CBR4: variants seen among roughly 807,000 people sequenced by gnomAD.
CBR4 encodes 3-oxoacyl-[acyl-carrier-protein] reductase.
CBR4 carries 22 observed loss-of-function variants against 21.0 expected under a neutral mutation model. The observed-to-expected ratio is 1.05, with a 90% CI of 0.75 to 1.50. CBR4 has a LOEUF of 1.50. CBR4 is among the 40% of genes most tolerant of loss of function. The probability of loss-of-function intolerance (pLI) is 0.00; values close to 1 mark genes in which losing one functional copy is unlikely to be tolerated. For missense variants in CBR4, 302 were observed against 286.3 expected (o/e 1.05, Z -0.40); for synonymous variants, 100 against 104.4 (o/e 0.96, Z 0.26).
intron 2 of CBR4, among the ~76,000 whole-genome samples, chr4:168,960,259 T>C (rs1357298699): frequency 6.6e-6 from 1 of 152,220 alleles, no homozygotes; most frequent in Non-Finnish European, 1.5e-5. Flanking sequence ...ATCTCAAAGT[T>C]AACCACTTTT....
chr4:168,906,391 T>A (rs1757803021), intron 2 of CBR4, among the ~76,000 whole-genome samples: 1 of 152,192 alleles, frequency 6.6e-6, no homozygotes, highest in African/African-American at 2.4e-5. Flanking sequence ...GAGGAAGGAC[T>A]GACTCAGTGC....
intron 2 of CBR4, among the ~76,000 whole-genome samples, chr4:168,947,807 T>C (rs6854000): frequency 0.057 from 8,639 of 152,256 alleles, 780 homozygotes; most frequent in African/African-American, 0.19. Context: ...GGTTCCACGA[T>C]TTTGCAATTG....
intron 2 of CBR4, among the ~76,000 whole-genome samples, chr4:168,954,495 C>T (rs1763630104): frequency 6.6e-6 from 1 of 152,184 alleles, no homozygotes; most frequent in Admixed American, 6.5e-5. Context: ...ACCCTCATAA[C>T]CTAATCACCT....
At chr4:168,945,814 G>C (rs1006469407) in intron 2 of CBR4, among the ~76,000 whole-genome samples, 2 of 152,112 alleles carry the variant, frequency 1.3e-5, no homozygotes, top group African/African-American at 4.8e-5. Flanking sequence ...AGACAATTTT[G>C]TGTTTATTTT....
chr4:168,915,947 C>A, intron 2 of CBR4: 1 of 1,612,648 alleles, frequency 6.2e-7, no homozygotes, highest in South Asian at 1.1e-5. Context: ...AATTCAGGAG[C>A]GATTCTTCAG....
chr4:169,002,521 T>G (rs1870306), intron 3 of CBR4, among the ~76,000 whole-genome samples: 100,640 of 152,074 alleles, frequency 0.66, 35,723 homozygotes, highest in East Asian at 0.96. Flanking sequence ...ATGATGAAAA[T>G]TCTGTGGTAT....
chr4:168,907,748 G>C (rs1054699120), intron 2 of CBR4, among the ~76,000 whole-genome samples: 1 of 152,144 alleles, frequency 6.6e-6, no homozygotes, highest in Admixed American at 6.5e-5. Flanking sequence ...GCAATGAGAA[G>C]TGGACCAAGA....
intron 2 of CBR4, among the ~76,000 whole-genome samples, chr4:168,935,234 G>A (rs1462892252): frequency 5.3e-5 from 8 of 152,320 alleles, no homozygotes; most frequent in Admixed American, 4.6e-4. Flanking sequence ...GAGGGACGGT[G>A]CATTCCAGGC....
At chr4:168,917,939 G>A (rs1195207462) in intron 2 of CBR4, among the ~76,000 whole-genome samples, 3 of 152,036 alleles carry the variant, frequency 2.0e-5, no homozygotes, top group Admixed American at 6.6e-5. Context: ...AGTGGCACAC[G>A]CCTGTAATCC....
At chr4:168,896,066 C>T (rs762107238) in intron 2 of CBR4, among the ~76,000 whole-genome samples, 18 of 152,010 alleles carry the variant, frequency 1.2e-4, no homozygotes, top group Non-Finnish European at 2.2e-4. Context: ...AAAAATTAGC[C>T]GGGTGTGGTG....
intron 4 of CBR4, among the ~76,000 whole-genome samples, chr4:168,990,753 A>T (rs577451615): frequency 1.5e-3 from 221 of 151,438 alleles, no homozygotes; most frequent in African/African-American, 5.1e-3. Flanking sequence ...AACCTTGTTT[A>T]TATAAAATAG....
intron 2 of CBR4, among the ~76,000 whole-genome samples, chr4:168,951,884 A>AAT (rs1267542516): frequency 1.3e-5 from 2 of 152,156 alleles, no homozygotes; most frequent in Non-Finnish European, 2.9e-5. Flanking sequence ...ACCTGATGAC[A>AAT]ATGTGCCTAG....
rs962183038 is a variant in CBR4, at chr4:168,988,346, C to A, written c.*1804G>T. ...TAAAAACATACACTTAAAGGCTAAA[C>A]CTATCTATAACCTACATCTTAATGT... On this transcript the variant is annotated 3_prime_UTR_variant, in exon 5 of 5. Transcript: ENST00000306193. The A allele has an allele frequency of 1.3e-5, 13 of 985,204 alleles. No homozygotes were observed. Among genetic ancestry groups the A allele is most frequent in the Non-Finnish European group, 1.4e-5 (12 of 829,894 alleles). The allele number at this position is 985,204 out of a possible 1,614,324, so 61.0% of individuals were successfully genotyped here. A position where few individuals can be genotyped will look rare whatever the true frequency, so the allele number is the denominator to read the frequency against.
At chr4:168,941,317 T>A (rs986119804) in intron 2 of CBR4, among the ~76,000 whole-genome samples, 4 of 151,998 alleles carry the variant, frequency 2.6e-5, no homozygotes, top group African/African-American at 9.7e-5. Context: ...GAATTTAAAG[T>A]ACAATAAAAA....
intron 2 of CBR4, among the ~76,000 whole-genome samples, chr4:169,007,300 A>G (rs1473307911): frequency 6.6e-6 from 1 of 152,228 alleles, no homozygotes; most frequent in Non-Finnish European, 1.5e-5. Flanking sequence ...ATTAGTATTA[A>G]GTTCACAAAC....
intron 2 of CBR4, among the ~76,000 whole-genome samples, chr4:168,957,603 A>T (rs1004545425): frequency 1.3e-5 from 2 of 152,200 alleles, no homozygotes; most frequent in East Asian, 3.8e-4. Flanking sequence ...AAGTTTTCTC[A>T]TGCACCTTGT....
chr4:168,997,699 T>C (rs546854531), intron 4 of CBR4, among the ~76,000 whole-genome samples: 113 of 152,322 alleles, frequency 7.4e-4, no homozygotes, highest in Non-Finnish European at 1.2e-3. Flanking sequence ...CCCTAGGTCA[T>C]TATTTTAGTT....
In CBR4 at chr4:168,989,886, A is replaced by T; in HGVS notation, c.*264T>A. 9.1e-7 allele frequency: 1 copy of T among 1,095,472 alleles called. No homozygotes were observed. The highest frequency in any genetic ancestry group is 4.3e-5 in the South Asian group (1 of 23,144). 67.9% of individuals were successfully genotyped at this position (1,095,472 alleles called of 1,614,324 possible). ...AAAACCACTGAATTGTGTATTTTAA[A>T]TGTGTGATTATATGGTATGTGAATT... On this transcript the variant is annotated 3_prime_UTR_variant, in exon 5 of 5. Coordinates refer to ENST00000306193, the MANE Select transcript of CBR4 (RefSeq NM_032783.5).
rs1017290715 is a variant in CBR4 at position 168,922,118 on chromosome 4, C to T, written n.170-27353G>A. 2.0e-3 allele frequency among the ~76,000 whole-genome samples: 279 copies of T among 142,430 alleles called. 6 individuals carry two copies. In the East Asian group the frequency reaches 0.03, roughly 15 times the overall value. The allele number at this position is 142,430 out of a possible 152,430, so 93.4% of individuals were successfully genotyped here. ...ATATATATATACACACACACACACA[C>T]ACACACACACACACACACACACACA... On this transcript the variant is annotated intron_variant and non_coding_transcript_variant, in intron 2 of 3. Coordinates refer to the CBR4 transcript ENST00000509108.
Sources: allele counts gnomAD v4.1 joint callset (sites outside exome capture counted in the v4.1 genomes callset), GRCh38; gene constraint gnomAD v4.1.1; transcripts MANE v1.5; gene names NCBI Gene and HGNC (gene_info 2026-07-23, HGNC 2026-07-21).